The following GSE1 variants were observed in gnomAD, a reference collection of about 807,000 sequenced individuals.
GSE1 encodes Gse1 coiled-coil protein, also known as genetic suppressor element 1.
In GSE1, 32 loss-of-function variants were observed where a neutral mutation model predicts 112.6. The ratio of observed to expected loss-of-function variants is 0.28; its 90% CI spans 0.21 to 0.38. The LOEUF (loss-of-function observed/expected upper bound fraction) is 0.38. Ranked by LOEUF, GSE1 falls within the 10% of genes least tolerant of loss-of-function variation. The pLI is 1.00. For missense variants in GSE1, 2,348 were observed against 1,699.2 expected (o/e 1.38, Z -6.71); for synonymous variants, 1,115 against 735.6 (o/e 1.52, Z -8.35).
intron 1 of GSE1, among the ~76,000 whole-genome samples, chr16:85,310,861 C>CA (rs903371159): frequency 4.7e-4 from 69 of 145,726 alleles, no homozygotes; most frequent in African/African-American, 1.6e-3. Context: ...AGGTGGGCTG[C>CA]AAGGCAGTGC....
intron 2 of GSE1, among the ~76,000 whole-genome samples, chr16:85,414,417 C>G (rs1401604079): frequency 6.6e-6 from 1 of 152,152 alleles, no homozygotes; most frequent in Non-Finnish European, 1.5e-5. Context: ...ACAGCGCACA[C>G]CCTTTCTCCA....
chr16:85,207,710 C>T (rs554929475), intron 1 of GSE1: 3 of 152,390 alleles, frequency 2.0e-5, no homozygotes, highest in South Asian at 4.1e-4. Context: ...CTCTCCAGGC[C>T]TCTGCTTTCT....
chr16:85,401,262 TA>T (rs2048108448), intron 2 of GSE1, among the ~76,000 whole-genome samples: 1 of 143,668 alleles, frequency 7.0e-6, no homozygotes, highest in Non-Finnish European at 1.5e-5. Flanking sequence ...AACCTGTCAG[TA>T]AATAAAAAGA....
chr16:85,511,969 C>T (rs965179210), intron 2 of GSE1, among the ~76,000 whole-genome samples: 17 of 152,150 alleles, frequency 1.1e-4, no homozygotes, highest in Admixed American at 7.2e-4. Context: ...TTGGAGGGCT[C>T]GATCCCCAGC....
At chr16:85,196,913 T>C (rs2074938444) in intron 1 of GSE1, among the ~76,000 whole-genome samples, 1 of 152,150 alleles carries the variant, frequency 6.6e-6, no homozygotes, top group Non-Finnish European at 1.5e-5. Flanking sequence ...CCTGTGAATA[T>C]GTGTCCAGGA....
Position 85,672,448 on chromosome 16 carries a change from G to C in GSE1, c.3563G>C (p.Arg1188Pro). 6.2e-7 allele frequency: 1 copy of C among 1,609,684 alleles called. No homozygotes were observed. Among genetic ancestry groups the C allele is most frequent in the Non-Finnish European group, 8.5e-7 (1 of 1,176,354 alleles). ...CAGAAGATGGTCTCAGAAAGGGAGC[G>C]GCTCCAGGCAGAACTGGACCACTTA... ...QKQKMVSERE[R>P]LQAELDHLRK... The change falls in exon 16 of 16, where the codon CGG becomes CCG. Residue 1188 changes from arginine (R) to proline (P), a missense_variant. Coordinates refer to ENST00000253458, the MANE Select transcript of GSE1 (RefSeq NM_014615.5).
chr16:85,462,664 G>T (rs2050000921), intron 2 of GSE1, among the ~76,000 whole-genome samples: 1 of 141,676 alleles, frequency 7.1e-6, no homozygotes, highest in African/African-American at 2.6e-5. Context: ...GCTGCCCGGG[G>T]AGCGCGGGCG....
chr16:85,584,902 C>T (rs1320236980), intron 1 of GSE1, among the ~76,000 whole-genome samples: 2 of 152,090 alleles, frequency 1.3e-5, no homozygotes, highest in Non-Finnish European at 2.9e-5. Flanking sequence ...TTCCCCCACC[C>T]CTCCAGCCCC....
At position 85,373,177 on chromosome 16, in the gene GSE1, G is replaced by A. The variant is rs1597516093; in HGVS notation, c.2464+15534G>A. 6.6e-6 allele frequency among the ~76,000 whole-genome samples: 1 copy of A among 152,240 alleles called. No individual in the cohort carries two copies. Among genetic ancestry groups the A allele is most frequent in the African/African-American group, 2.4e-5 (1 of 41,460 alleles). ...TGTGGCCATGGGATGCCGGCTCCTTGTCCACCAGGGTGGGTGCCAGGCGCC... is the reference window on the plus strand; with the variant it reads ...TGTGGCCATGGGATGCCGGCTCCTTATCCACCAGGGTGGGTGCCAGGCGCC... On this transcript the variant is annotated intron_variant, in intron 2 of 2. Transcript: ENST00000637419. This position sits in a 1 kb window ranked among gnomAD's most constrained non-coding sequence, Gnocchi z 5.1.
rs150794422 is a variant in GSE1 at position 85,587,336 on chromosome 16, C to T, written c.37+30973C>T. Reference sequence around the variant, plus strand: ...AATGAAAATACATGCAGTAAATTTGCTATTAGCCAGTGTTAATTTCTTATC... The same window carrying T: ...AATGAAAATACATGCAGTAAATTTGTTATTAGCCAGTGTTAATTTCTTATC... On this transcript the variant is annotated intron_variant, in intron 1 of 2. Transcript: ENST00000635906. Among the ~76,000 whole-genome samples the T allele has an allele frequency of 1.2e-4, 18 of 152,384 alleles. No homozygotes were observed. In the East Asian group the frequency reaches 3.5e-3, roughly 29 times the overall value.
intron 2 of GSE1, among the ~76,000 whole-genome samples, chr16:85,445,581 G>T (rs1345316745): frequency 6.6e-6 from 1 of 152,246 alleles, no homozygotes; most frequent in Non-Finnish European, 1.5e-5. Flanking sequence ...AAAGCCCTGA[G>T]GATGATAAAT....
chr16:85,511,474 G>C (rs2051743619), intron 2 of GSE1, among the ~76,000 whole-genome samples: 1 of 150,552 alleles, frequency 6.6e-6, no homozygotes, highest in South Asian at 2.1e-4. Context: ...GTTGCAGTGA[G>C]TCGAGATTGT....
At chr16:85,223,578 T>TGTAA (rs1228491514) in intron 1 of GSE1, among the ~76,000 whole-genome samples, 7 of 152,034 alleles carry the variant, frequency 4.6e-5, no homozygotes, top group Non-Finnish European at 1.0e-4. Context: ...AATTTGCCAC[T>TGTAA]GTAACCATTT....
At chr16:85,258,927 G>A (rs1232513219) in intron 1 of GSE1, among the ~76,000 whole-genome samples, 3 of 152,174 alleles carry the variant, frequency 2.0e-5, no homozygotes, top group Admixed American at 2.0e-4. Context: ...TATGGCAATC[G>A]CTCAGCTGTC....
intron 1 of GSE1, among the ~76,000 whole-genome samples, chr16:85,331,216 G>A (rs985683874): frequency 2.7e-5 from 4 of 149,812 alleles, no homozygotes; most frequent in Admixed American, 6.7e-5. Flanking sequence ...GCAGTGGCAC[G>A]ATATCGGCTC....
chr16:85,367,431 C>G (rs2047207248), intron 2 of GSE1, among the ~76,000 whole-genome samples: 1 of 152,226 alleles, frequency 6.6e-6, no homozygotes, highest in Admixed American at 6.5e-5. Context: ...AGACACAACC[C>G]CTGCCCCGAG....
At chr16:85,464,110 G>T (rs1244209494) in intron 2 of GSE1, among the ~76,000 whole-genome samples, 1 of 152,120 alleles carries the variant, frequency 6.6e-6, no homozygotes, top group African/African-American at 2.4e-5. Flanking sequence ...GCCCCTCCTG[G>T]CTGCCTCGCC....
chr16:85,256,213 T>G (rs1044350703), intron 1 of GSE1, among the ~76,000 whole-genome samples: 4 of 145,596 alleles, frequency 2.7e-5, no homozygotes, highest in Admixed American at 6.9e-5. Flanking sequence ...CACCGGGGGG[T>G]GGAGGGTGGG....
chr16:85,436,847 C>A (rs1028638434), intron 2 of GSE1, among the ~76,000 whole-genome samples: 2 of 152,228 alleles, frequency 1.3e-5, no homozygotes, highest in African/African-American at 4.8e-5. Context: ...AGAGTGTGGG[C>A]TGGGCTCGGT....
Sources: allele counts gnomAD v4.1 joint callset (sites outside exome capture counted in the v4.1 genomes callset), GRCh38; gene constraint gnomAD v4.1.1; non-coding constraint Gnocchi (gnomAD v3.1); transcripts MANE v1.5; gene names NCBI Gene and HGNC (gene_info 2026-07-23, HGNC 2026-07-21).